ZNF99: variants seen among roughly 807,000 people sequenced by gnomAD.
The protein encoded by ZNF99 is zinc finger protein ENSP00000375192.
Under a neutral mutation model 12.8 loss-of-function variants are expected in ZNF99, and 8 were observed. That is an observed-to-expected ratio of 0.62 (90% CI 0.37 to 1.13). The LOEUF is 1.13. Among genes scored for constraint, ZNF99 ranks in the 50% most tolerant of loss-of-function variants. ZNF99 has a pLI of 0.02. For synonymous variants in ZNF99, 318 were observed against 319.0 expected, an observed-to-expected ratio of 1.00 and a Z score of 0.03; for missense variants, 1,007 against 1,006.2, an observed-to-expected ratio of 1.00 and a Z score of -0.01.
rs372162303 is a variant in ZNF99 at position 22,756,805 on chromosome 19, G to A, written c.*509C>T. ...TTCACATTTGTAGGGTTTCTTTCCA[G>A]TATAATTATCTCATGTTTTCTAAGG... On this transcript the variant is annotated 3_prime_UTR_variant, in exon 4 of 4. Coordinates refer to ENST00000596209, the MANE Select transcript of ZNF99 (RefSeq NM_001080409.3). The A allele has an allele frequency of 2.2e-5, 35 of 1,609,306 alleles. No homozygotes were observed. The highest frequency in any genetic ancestry group is 1.4e-5 in the African/African-American group (1 of 73,884).
At position 22,752,811 on chromosome 19, in the gene ZNF99, T is replaced by C. The variant is rs1277412893; in HGVS notation, c.*4503A>G. On this transcript the variant is annotated 3_prime_UTR_variant, in exon 4 of 4. Transcript: ENST00000596209. ...CACAACTAATATAATACATCACTAA[T>C]TTAATTTTAATTTTAACTAAAATTT... 1 of 151,810 alleles carries C rather than the reference T, an allele frequency of 6.6e-6. No homozygotes were observed. Among genetic ancestry groups the C allele is most frequent in the African/African-American group, 2.4e-5 (1 of 41,130 alleles). 9.4% of individuals were successfully genotyped at this position (151,810 alleles called of 1,614,324 possible).
intron 3 of ZNF99, among the ~76,000 whole-genome samples, chr19:22,764,917 A>C (rs1002771485): frequency 6.6e-6 from 1 of 152,220 alleles, no homozygotes; most frequent in African/African-American, 2.4e-5. Flanking sequence ...CCACTATGGA[A>C]AACAGTGTGG....
chr19:22,757,615 T>C lies in ZNF99; in HGVS notation c.2294A>G (p.Glu765Gly), dbSNP rs192664253. The C allele has an allele frequency of 1.4e-4, 230 of 1,611,900 alleles. 5 individuals carry two copies. The African/African-American group carries it at 2.7e-3, about 19-fold the overall frequency. Reference protein sequence around the residue: ...HTAEKPCKCEECGKAFKHFSA... With the variant: ...HTAEKPCKCEGCGKAFKHFSA... ...GAAATGCTTAAAAGCTTTGCCACAT[T>C]CTTCACATTTGCAGGGTTTCTCTGC... is the stretch of plus-strand genomic sequence containing the variant. Residue 765 changes from glutamate (E) to glycine (G), a missense_variant, in exon 4 of 4, where the codon GAA becomes GGA. Transcript: ENST00000596209.
At position 22,758,697 on chromosome 19, in the gene ZNF99, T is replaced by C. The variant is rs1973110081; in HGVS notation, c.1212A>G (p.Lys404=). 12 of 1,613,060 alleles carry C rather than the reference T, an allele frequency of 7.4e-6. No individual in the cohort carries two copies. Among genetic ancestry groups the C allele is most frequent in the Admixed American group, 1.7e-5 (1 of 59,982 alleles). The change falls in exon 4 of 4, where the codon AAA becomes AAG. Residue 404 remains lysine (K), a synonymous_variant. Transcript: ENST00000596209. ...QKPYKCEECG[K]AFKWSSKLTV... is the part of the protein sequence containing the mutation. ...TAAGTTTTGAGGACCACTTAAAAGC[T>C]TTACCACATTCTTCACATTTGTAGG...
intron 1 of ZNF99, among the ~76,000 whole-genome samples, chr19:22,779,786 T>C (rs1973367983): frequency 6.6e-6 from 1 of 152,126 alleles, no homozygotes. Context: ...TCTAATATGG[T>C]TTGCTCTTCC....
intron 1 of ZNF99, among the ~76,000 whole-genome samples, chr19:22,782,914 C>T (rs547705289): frequency 2.7e-5 from 4 of 149,136 alleles, no homozygotes; most frequent in Non-Finnish European, 6.0e-5. Flanking sequence ...GTGATTCACC[C>T]GCCTCGGCCT....
chr19:22,773,770 T>A (rs78063827), intron 1 of ZNF99: 1 of 152,214 alleles, frequency 6.6e-6, no homozygotes, highest in African/African-American at 2.4e-5. Flanking sequence ...ACCCCTACCA[T>A]CTGCCATTGA....
rs1972990581 is a variant in ZNF99, at chr19:22,752,995, CATAA to C, written c.*4315_*4318del. On this transcript the variant is annotated 3_prime_UTR_variant, in exon 4 of 4. Coordinates refer to ENST00000596209, the MANE Select transcript of ZNF99 (RefSeq NM_001080409.3). The stretch of plus-strand genomic sequence containing the variant: ...ATCCTTTCTCTTTTATGAAAAAGGT[CATAA>C]ATAATGCCCATCTAATAAAAAAGAA... The C allele has an allele frequency of 1.3e-5, 2 of 151,968 alleles. No individual in the cohort carries two copies. Among genetic ancestry groups the C allele is most frequent in the Admixed American group, 1.3e-4 (2 of 15,258 alleles). The allele number at this position is 151,968 out of a possible 1,614,324, so 9.4% of individuals were successfully genotyped here. A position where few individuals can be genotyped will look rare whatever the true frequency, so the allele number is the denominator to read the frequency against.
At chr19:22,763,642 A>G (rs1432709249) in intron 3 of ZNF99, among the ~76,000 whole-genome samples, 23 of 152,148 alleles carry the variant, frequency 1.5e-4, no homozygotes, top group African/African-American at 2.4e-5. Context: ...TAAAATCCAT[A>G]TGGAACAAAA....
At chr19:22,769,552 A>G (rs191400783) in intron 1 of ZNF99, among the ~76,000 whole-genome samples, 1 of 152,038 alleles carries the variant, frequency 6.6e-6, no homozygotes. Flanking sequence ...AAGATCACGA[A>G]GTCAGGAGAT....
At chr19:22,760,784 C>T (rs191973252) in intron 3 of ZNF99, among the ~76,000 whole-genome samples, 103 of 150,986 alleles carry the variant, frequency 6.8e-4, no homozygotes, top group African/African-American at 2.4e-3. Context: ...CAGCTTGAAT[C>T]TGCTGAAACC....
In ZNF99 at chr19:22,756,210, G is replaced by T. The variant is rs1328799512; in HGVS notation, c.*1104C>A. ...TTGACACATTCTTCACATTTTTAGG[G>T]CTTCTCCCCAGTATGAATTATCTTA... On this transcript the variant is annotated 3_prime_UTR_variant, in exon 4 of 4. Coordinates refer to ENST00000596209, the MANE Select transcript of ZNF99 (RefSeq NM_001080409.3). 1 of 1,561,898 alleles carries T rather than the reference G, an allele frequency of 6.4e-7. No individual in the cohort carries two copies. Among genetic ancestry groups the T allele is most frequent in the African/African-American group, 1.5e-5 (1 of 66,562 alleles).
intron 3 of ZNF99, among the ~76,000 whole-genome samples, chr19:22,765,283 T>G (rs1973191788): frequency 6.6e-6 from 1 of 152,068 alleles, no homozygotes; most frequent in African/African-American, 2.4e-5. Flanking sequence ...AGTTAAGCTA[T>G]GAGGATGCAA....
At chr19:22,760,884 TAAA>T (rs5827535) in intron 3 of ZNF99, among the ~76,000 whole-genome samples, 2 of 118,276 alleles carry the variant, frequency 1.7e-5, no homozygotes, top group Non-Finnish European at 1.7e-5. Context: ...ATTCTTTATC[TAAA>T]AAAAAAAAAA....
rs778423038 is a variant in ZNF99 at position 22,759,185 on chromosome 19, A to T, written c.724T>A (p.Ser242Thr). The change falls in exon 4 of 4, where the codon TCA becomes ACA. Residue 242 changes from serine to threonine, a missense_variant. Ser to Thr is a moderately conservative substitution (Grantham distance 58). Coordinates refer to ENST00000596209, the MANE Select transcript of ZNF99 (RefSeq NM_001080409.3). ...KKCGKAFNIS[S>T]MFTKCKIIHT... ...ATTATCTTACATTTAGTGAACATTG[A>T]AGAGATGTTAAAAGCTTTGCCACAT... 2 of 1,588,294 alleles carry T rather than the reference A, an allele frequency of 1.3e-6. No homozygotes were observed. Among genetic ancestry groups the T allele is most frequent in the South Asian group, 2.2e-5 (2 of 89,024 alleles).
intron 1 of ZNF99, among the ~76,000 whole-genome samples, chr19:22,772,807 G>A (rs1973287379): frequency 6.6e-6 from 1 of 152,148 alleles, no homozygotes; most frequent in African/African-American, 2.4e-5. Context: ...CTGAAAACCT[G>A]GATTCAGAAT....
intron 1 of ZNF99, among the ~76,000 whole-genome samples, chr19:22,778,341 C>G (rs1053057272): frequency 2.0e-5 from 3 of 152,170 alleles, no homozygotes; most frequent in Non-Finnish European, 4.4e-5. Flanking sequence ...TCTGTGATAT[C>G]TCTCAGCTGG....
intron 1 of ZNF99, among the ~76,000 whole-genome samples, chr19:22,776,885 C>A (rs1474546830): frequency 3.9e-5 from 6 of 152,128 alleles, no homozygotes; most frequent in African/African-American, 1.4e-4. Context: ...GTGGCTCATG[C>A]CTGTAGTTCC....
At chr19:22,760,570 G>A (rs974294960) in intron 3 of ZNF99, among the ~76,000 whole-genome samples, 37 of 151,954 alleles carry the variant, frequency 2.4e-4, no homozygotes, top group African/African-American at 8.7e-4. Flanking sequence ...CGGTGAAACC[G>A]CGTCTCCACT....
Sources: gnomAD v4.1 joint callset for allele counts (sites outside exome capture counted in the v4.1 genomes callset) on GRCh38, gnomAD v4.1.1 for gene constraint, MANE v1.5 for transcripts, NCBI Gene and HGNC (gene_info 2026-07-23, HGNC 2026-07-21) for gene names.